ATRNL1: variants seen among roughly 807,000 people sequenced by gnomAD.
ATRNL1 encodes attractin-like protein 1.
In ATRNL1, 95 loss-of-function variants were observed where a neutral mutation model predicts 182.7. The ratio of observed to expected loss-of-function variants is 0.52; its 90% CI spans 0.44 to 0.62. The LOEUF (loss-of-function observed/expected upper bound fraction) is 0.62. Among genes scored for constraint, ATRNL1 ranks in the 20% least tolerant of loss-of-function variants. The pLI, the probability that ATRNL1 is intolerant of heterozygous loss-of-function variation, is 0.00. For synonymous variants in ATRNL1, 576 were observed against 568.3 expected, an observed-to-expected ratio of 1.01 and a Z score of -0.19; for missense variants, 1,471 against 1,679.5, an observed-to-expected ratio of 0.88 and a Z score of 2.17.
chr10:115,275,666 G>A (rs552547543), intron 13 of ATRNL1, among the ~76,000 whole-genome samples: 1 of 152,238 alleles, frequency 6.6e-6, no homozygotes, highest in South Asian at 2.1e-4. Flanking sequence ...GCAAGGCTGG[G>A]CATACAGAAA....
chr10:115,159,055 A>C (rs1160719682), intron 5 of ATRNL1, among the ~76,000 whole-genome samples: 1 of 151,768 alleles, frequency 6.6e-6, no homozygotes, highest in Non-Finnish European at 1.5e-5. Flanking sequence ...AATTATGTAA[A>C]AAAGGCATTA....
chr10:115,543,229 G>A (rs1324691951), intron 25 of ATRNL1, among the ~76,000 whole-genome samples: 4 of 152,100 alleles, frequency 2.6e-5, no homozygotes, highest in African/African-American at 9.7e-5. Context: ...TTTATTCTAT[G>A]CGTGTATTAT....
In ATRNL1 at chr10:115,578,133, T is replaced by A. The variant is rs553915956; in HGVS notation, c.3795+28597T>A. ...TAGTCATGGTGAATAATCTTTTTGT[T>A]GTGTTGTTGTATTTAGTTTGCGAGT... On this transcript the variant is annotated intron_variant, in intron 26 of 28. Transcript: ENST00000355044. Among the ~76,000 whole-genome samples the A allele has an allele frequency of 3.3e-5, 5 of 151,926 alleles. No individual in the cohort carries two copies. In the East Asian group the frequency reaches 9.7e-4, roughly 29 times the overall value.
At chr10:115,535,712 C>T (rs571798860) in intron 25 of ATRNL1, among the ~76,000 whole-genome samples, 7 of 152,218 alleles carry the variant, frequency 4.6e-5, no homozygotes, top group South Asian at 2.1e-4. Flanking sequence ...AGTTTTTCTG[C>T]TCTGTTTTTT....
intron 9 of ATRNL1, among the ~76,000 whole-genome samples, chr10:115,216,471 T>C (rs1849237926): frequency 6.6e-6 from 1 of 152,212 alleles, no homozygotes; most frequent in Non-Finnish European, 1.5e-5. Context: ...AATAGTATTT[T>C]AATGTGCATT....
intron 19 of ATRNL1, among the ~76,000 whole-genome samples, chr10:115,386,694 A>C (rs1385520419): frequency 6.6e-6 from 1 of 151,740 alleles, no homozygotes; most frequent in Non-Finnish European, 1.5e-5. Context: ...TTTAAGTTTT[A>C]GGATACATGT....
At position 115,304,288 on chromosome 10, in the gene ATRNL1, A is replaced by G. The variant is rs1036247253; in HGVS notation, c.2818+2245A>G. Among the ~76,000 whole-genome samples, 8 of 152,248 alleles carry G rather than the reference A, an allele frequency of 5.3e-5. No homozygotes were observed. The East Asian group carries it at 9.6e-4, about 18-fold the overall frequency. ...AATACAAACAACTATCCCAGCAGCA[A>G]TATTTATTTTCTGCCCGTCCACTCT... On this transcript the variant is annotated intron_variant, in intron 17 of 28. Transcript: ENST00000355044.
chr10:115,715,152 C>T (rs114660405), intron 26 of ATRNL1, among the ~76,000 whole-genome samples: 180 of 152,264 alleles, frequency 1.2e-3, no homozygotes, highest in African/African-American at 3.9e-3. Context: ...TTGGAACCCA[C>T]TCCTTATAAA....
At chr10:115,107,236 C>A (rs1554866234) in intron 1 of ATRNL1, among the ~76,000 whole-genome samples, 3 of 152,238 alleles carry the variant, frequency 2.0e-5, no homozygotes, top group Admixed American at 6.5e-5. Context: ...GGGCAAATTC[C>A]CTTCCAGCTG....
chr10:115,942,791 A>G (rs1953768247), intron 28 of ATRNL1, among the ~76,000 whole-genome samples: 2 of 152,218 alleles, frequency 1.3e-5, no homozygotes, highest in South Asian at 2.1e-4. Context: ...AGCAAGGCCA[A>G]TCTGGCCTCA....
chr10:115,574,117 A>C (rs1398461623), intron 26 of ATRNL1, among the ~76,000 whole-genome samples: 1 of 151,962 alleles, frequency 6.6e-6, no homozygotes, highest in Admixed American at 6.6e-5. Flanking sequence ...GATAAAAAGC[A>C]AACTAGCAAA....
chr10:115,938,607 A>G (rs1468003215), intron 28 of ATRNL1, among the ~76,000 whole-genome samples: 5 of 152,190 alleles, frequency 3.3e-5, no homozygotes, highest in Admixed American at 3.3e-4. Flanking sequence ...GTGTCCATCA[A>G]CGGATAAAGG....
At chr10:115,418,359 A>C (rs1287768511) in intron 20 of ATRNL1, among the ~76,000 whole-genome samples, 1 of 152,138 alleles carries the variant, frequency 6.6e-6, no homozygotes, top group African/African-American at 2.4e-5. Flanking sequence ...AAACAAAAGA[A>C]AGAATTAGTG....
At chr10:115,227,117 A>C (rs1361486874) in intron 9 of ATRNL1, among the ~76,000 whole-genome samples, 1 of 152,150 alleles carries the variant, frequency 6.6e-6, no homozygotes, top group African/African-American at 2.4e-5. Flanking sequence ...AAAAGAAACC[A>C]TTAGCAGAGC....
intron 24 of ATRNL1, among the ~76,000 whole-genome samples, chr10:115,497,405 C>A (rs1554978674): frequency 6.6e-6 from 1 of 152,154 alleles, no homozygotes; most frequent in Non-Finnish European, 1.5e-5. Context: ...GACTATCACT[C>A]ACTTATCATT....
chr10:115,793,350 G>C (rs2134216206), intron 27 of ATRNL1, among the ~76,000 whole-genome samples: 1 of 152,180 alleles, frequency 6.6e-6, no homozygotes, highest in South Asian at 2.1e-4. Context: ...CATAGAAAAT[G>C]ATGGTAGGTT....
intron 15 of ATRNL1, among the ~76,000 whole-genome samples, chr10:115,299,062 T>C (rs541934738): frequency 9.1e-4 from 139 of 151,982 alleles, no homozygotes; most frequent in African/African-American, 3.2e-3. Flanking sequence ...AACATTTTTC[T>C]CTATCCTGGT....
intron 17 of ATRNL1, among the ~76,000 whole-genome samples, chr10:115,304,350 A>C (rs1237647498): frequency 6.6e-6 from 1 of 152,150 alleles, no homozygotes; most frequent in Admixed American, 6.5e-5. Flanking sequence ...TTTTCCTCTG[A>C]GAGGCAACCC....
At chr10:115,181,830 G>A (rs1351885255) in intron 8 of ATRNL1, among the ~76,000 whole-genome samples, 1 of 151,620 alleles carries the variant, frequency 6.6e-6, no homozygotes, top group Non-Finnish European at 1.5e-5. Context: ...TTTAGTTTTT[G>A]TTGAACACAG....
Sources: gnomAD v4.1 joint callset for allele counts (sites outside exome capture counted in the v4.1 genomes callset) on GRCh38, gnomAD v4.1.1 for gene constraint, MANE v1.5 for transcripts, NCBI Gene and HGNC (gene_info 2026-07-23, HGNC 2026-07-21) for gene names.